TNPO3: variants seen among roughly 807,000 people sequenced by gnomAD.
TNPO3 encodes the protein transportin-3.
A neutral mutation model predicts 122.8 loss-of-function variants in TNPO3; 65 were observed. That is an observed-to-expected ratio of 0.53 (90% CI 0.43 to 0.65). The LOEUF (loss-of-function observed/expected upper bound fraction) is 0.65. Among genes scored for constraint, TNPO3 ranks in the 30% least tolerant of loss-of-function variants. TNPO3 has a pLI of 0.00. For missense variants in TNPO3, 850 were observed against 1,136.7 expected, an observed-to-expected ratio of 0.75 and a Z score of 3.63; for synonymous variants, 372 against 411.2, an observed-to-expected ratio of 0.90 and a Z score of 1.15.
At chr7:129,018,698 A>G (rs1413063910) in intron 1 of TNPO3, among the ~76,000 whole-genome samples, 1 of 152,166 alleles carries the variant, frequency 6.6e-6, no homozygotes, top group African/African-American at 2.4e-5. Flanking sequence ...GGCTCAAGTA[A>G]ATATTTCACA....
At chr7:129,040,769 T>C (rs1431386267) in intron 1 of TNPO3, among the ~76,000 whole-genome samples, 1 of 152,168 alleles carries the variant, frequency 6.6e-6, no homozygotes, top group Non-Finnish European at 1.5e-5. Context: ...CTTACTCTTG[T>C]GCAAATGTAT....
At position 129,018,006 on chromosome 7, in the gene TNPO3, A is replaced by G; in HGVS notation, c.272T>C (p.Leu91Pro). Residue 91 changes from leucine (L) to proline (P), a missense_variant, in exon 2 of 23, where the codon CTA becomes CCA. By Grantham distance (98) the Leu-to-Pro change is moderately conservative. Transcript: ENST00000265388. ...GTCTTTCAAGTTCTGGATATGGGTT[A>G]GCAATGAGTCCCGTAAAGAGGCATG... is the stretch of plus-strand genomic sequence containing the variant. ...DSHASLRDSL[L>P]THIQNLKDLS... The G allele has an allele frequency of 6.2e-7, 1 of 1,614,188 alleles. No homozygotes were observed. Among genetic ancestry groups the G allele is most frequent in the Non-Finnish European group, 8.5e-7 (1 of 1,180,024 alleles).
intron 1 of TNPO3, among the ~76,000 whole-genome samples, chr7:129,047,249 C>G (rs1808165607): frequency 6.6e-6 from 1 of 152,174 alleles, no homozygotes; most frequent in Non-Finnish European, 1.5e-5. Flanking sequence ...CTCCTACTTA[C>G]AACTTAAATT....
chr7:128,972,688 T>TG, intron 18 of TNPO3, 106 bp from the exon 19 acceptor site: 2 of 1,056,484 alleles, frequency 1.9e-6, no homozygotes, highest in South Asian at 1.6e-5. Context: ...CAGTGGTTGG[T>TG]GGGGGGTTTC....
At chr7:128,997,092 T>G (rs1801417058) in intron 8 of TNPO3, among the ~76,000 whole-genome samples, 1 of 152,188 alleles carries the variant, frequency 6.6e-6, no homozygotes, top group South Asian at 2.1e-4. Context: ...CTGTAGAGTC[T>G]GCCAATCCTC....
chr7:128,975,716 A>G (rs375420333), intron 17 of TNPO3, 103 bp downstream of exon 17: 2 of 746,716 alleles, frequency 2.7e-6, no homozygotes, highest in Non-Finnish European at 4.6e-6. Context: ...GCCTGGGGGA[A>G]AACATAAAGA....
At chr7:129,004,702 G>A (rs1307058481) in intron 5 of TNPO3, among the ~76,000 whole-genome samples, 3 of 152,070 alleles carry the variant, frequency 2.0e-5, no homozygotes, top group African/African-American at 7.2e-5. Flanking sequence ...AGGATTCAAT[G>A]ACCATTATTG....
At chr7:129,010,454 C>T (rs1466750145) in intron 4 of TNPO3, among the ~76,000 whole-genome samples, 1 of 152,102 alleles carries the variant, frequency 6.6e-6, no homozygotes, top group Non-Finnish European at 1.5e-5. Flanking sequence ...AAGCATAAAC[C>T]ACATTGCCTG....
intron 11 of TNPO3, 60 bp downstream of exon 11, chr7:128,989,901 G>C: frequency 6.3e-7 from 1 of 1,578,468 alleles, no homozygotes; most frequent in Non-Finnish European, 8.7e-7. Context: ...AGTAAGAGAT[G>C]AGAAGAAAAA....
At chr7:129,042,399 TC>T (rs1219274656) in intron 1 of TNPO3, among the ~76,000 whole-genome samples, 1 of 152,084 alleles carries the variant, frequency 6.6e-6, no homozygotes, top group Non-Finnish European at 1.5e-5. Context: ...AAACTACAAA[TC>T]GGTCAAACAA....
At chr7:128,957,191 T>G (rs1236214545) in intron 22 of TNPO3, 33 bp downstream of exon 22, 1 of 1,581,516 alleles carries the variant, frequency 6.3e-7, no homozygotes, top group Non-Finnish European at 8.7e-7. Context: ...AGTCCGACAG[T>G]CCGGACAAAA....
At chr7:129,014,862 A>G in intron 4 of TNPO3, 117 bp downstream of exon 4, 3 of 992,006 alleles carry the variant, frequency 3.0e-6, no homozygotes, top group Non-Finnish European at 4.3e-6. Flanking sequence ...ATAAATACCA[A>G]AGCATCATCA....
chr7:128,995,213 G>A (rs3958094), intron 8 of TNPO3, among the ~76,000 whole-genome samples: 40,346 of 152,140 alleles, frequency 0.27, 6,232 homozygotes, highest in Middle Eastern at 0.38. Flanking sequence ...ATTATTTTAT[G>A]TTTGCTGTGC....
chr7:128,988,034 C>T (rs183637405), intron 11 of TNPO3, among the ~76,000 whole-genome samples: 15 of 152,052 alleles, frequency 9.9e-5, no homozygotes, highest in South Asian at 4.2e-4. Flanking sequence ...AGTGTAGTGG[C>T]GCAATCTCGG....
At chr7:128,979,888 G>GT in intron 15 of TNPO3, 83 bp downstream of exon 15, 1 of 1,237,342 alleles carries the variant, frequency 8.1e-7, no homozygotes, top group South Asian at 1.2e-5. Context: ...TTGGAAGACA[G>GT]TATCTTCTCA....
chr7:129,034,894 CAAA>C (rs1219082555), intron 1 of TNPO3, among the ~76,000 whole-genome samples: 1 of 48,398 alleles, frequency 2.1e-5, no homozygotes, highest in Admixed American at 2.1e-4. Flanking sequence ...GACTCTGTCT[CAAA>C]AAAAAAAAAA....
intron 21 of TNPO3, 87 bp downstream of exon 21, chr7:128,967,193 T>C: frequency 1.1e-6 from 1 of 882,266 alleles, no homozygotes; most frequent in African/African-American, 1.7e-5. Flanking sequence ...AAACTATAAA[T>C]TGTCCATTTC....
chr7:129,002,322 C>T lies in TNPO3; in HGVS notation c.697-1088G>A, dbSNP rs559237127. 2.0e-5 allele frequency among the ~76,000 whole-genome samples: 3 copies of T among 152,260 alleles called. No individual in the cohort carries two copies. In the South Asian group the frequency reaches 6.2e-4, roughly 32 times the overall value. On this transcript the variant is annotated intron_variant, in intron 5 of 22. Coordinates refer to ENST00000265388, the MANE Select transcript of TNPO3 (RefSeq NM_012470.4). The stretch of plus-strand genomic sequence containing the variant: ...TCCAGAAAGCACAGTAAAGACAAGT[C>T]CCAAGATGACAGGGAGTAGATCTAA...
chr7:128,955,783 A>G (rs1161549656), intron 22 of TNPO3, among the ~76,000 whole-genome samples: 2 of 152,220 alleles, frequency 1.3e-5, no homozygotes, highest in Non-Finnish European at 2.9e-5. Flanking sequence ...ACAGTTGAAA[A>G]CAAAACAAAA....
Sources: gnomAD v4.1 joint callset for allele counts (sites outside exome capture counted in the v4.1 genomes callset) on GRCh38, gnomAD v4.1.1 for gene constraint, MANE v1.5 for transcripts, NCBI Gene and HGNC (gene_info 2026-07-23, HGNC 2026-07-21) for gene names.